The following ELAPOR1 variants were observed in gnomAD, a reference collection of about 807,000 sequenced individuals.
ELAPOR1 encodes the protein endosome/lysosome-associated apoptosis and autophagy regulator 1.
In ELAPOR1, 77 loss-of-function variants were observed where a neutral mutation model predicts 119.7. The observed-to-expected ratio is 0.64, with a 90% CI of 0.54 to 0.78. ELAPOR1 has a LOEUF of 0.78. Ranked by LOEUF, ELAPOR1 falls within the 30% of genes least tolerant of loss-of-function variation. ELAPOR1 has a pLI of 0.00. For synonymous variants in ELAPOR1, 481 were observed against 487.2 expected (o/e 0.99, Z 0.17); for missense variants, 1,115 against 1,270.4 (o/e 0.88, Z 1.86).
At chr1:109,144,061 A>ATATATATATTTTTTTTTTT in intron 1 of ELAPOR1, among the ~76,000 whole-genome samples, 31 of 88,980 alleles carry the variant, frequency 3.5e-4, no homozygotes, top group African/African-American at 3.9e-4. Flanking sequence ...ATATTTATAT[A>ATATATATATTTTTTTTTTT]TTTTTTTTTT....
At chr1:109,202,434 A>G (rs1051937818) in intron 21 of ELAPOR1, among the ~76,000 whole-genome samples, 3 of 149,812 alleles carry the variant, frequency 2.0e-5, no homozygotes, top group South Asian at 2.1e-4. Context: ...ACATTTTTTT[A>G]AAAGAAAAAA....
At chr1:109,152,870 C>A (rs1164782480) in intron 1 of ELAPOR1, among the ~76,000 whole-genome samples, 1 of 143,744 alleles carries the variant, frequency 7.0e-6, no homozygotes, top group Non-Finnish European at 1.5e-5. Context: ...GGCCTGAGTT[C>A]GGGAGTTCAA....
At chr1:109,140,529 G>A (rs1649764462) in intron 1 of ELAPOR1, among the ~76,000 whole-genome samples, 1 of 152,218 alleles carries the variant, frequency 6.6e-6, no homozygotes, top group Non-Finnish European at 1.5e-5. Flanking sequence ...GATTGGAGGG[G>A]AGAGGGGAGC....
At position 109,153,883 on chromosome 1, in the gene ELAPOR1, C is replaced by T. The variant is rs113142127; in HGVS notation, c.154-8011C>T. Among the ~76,000 whole-genome samples the T allele has an allele frequency of 8.5e-5, 13 of 152,164 alleles. 1 individual carries two copies. Among genetic ancestry groups the T allele is most frequent in the South Asian group, 6.2e-4 (3 of 4,812 alleles). ...GATTACAGGCGTGAACCACTGTGCC[C>T]GGCCCAGATTTTTATTTTCTTTTTT... On this transcript the variant is annotated intron_variant, in intron 1 of 21. Coordinates refer to ENST00000369939, the MANE Select transcript of ELAPOR1 (RefSeq NM_020775.5).
At chr1:109,129,506 C>T (rs181868677) in intron 1 of ELAPOR1, among the ~76,000 whole-genome samples, 8 of 152,142 alleles carry the variant, frequency 5.3e-5, no homozygotes, top group African/African-American at 1.2e-4. Flanking sequence ...AGTGAGACTC[C>T]GTCTCAAAAA....
intron 3 of ELAPOR1, among the ~76,000 whole-genome samples, chr1:109,166,008 C>T (rs1325733296): frequency 6.6e-6 from 1 of 151,966 alleles, no homozygotes; most frequent in Non-Finnish European, 1.5e-5. Flanking sequence ...CTCTGCCTCC[C>T]GGGTTGACGC....
intron 8 of ELAPOR1, among the ~76,000 whole-genome samples, chr1:109,186,075 GA>G (rs111462175): frequency 0.022 from 3,192 of 145,136 alleles, 103 homozygotes; most frequent in African/African-American, 0.068. Context: ...TGGTAGGAAG[GA>G]AAAAAAAAAA....
Position 109,200,100 on chromosome 1 carries a change from T to C in ELAPOR1, c.2670T>C (p.Gly890=). The part of the protein sequence containing the change: ...YVWREPKLCS[G]GISLPEQRVT... ...GGCGAGAACCCAAGCTATGCTCTGG[T>C]GGCATTTCTCTGCCTGAGCAGAGAG... Residue 890 remains glycine (G), a synonymous_variant, in exon 20 of 22, where the codon GGT becomes GGC. Coordinates refer to ENST00000369939, the MANE Select transcript of ELAPOR1 (RefSeq NM_020775.5). 6.2e-7 allele frequency: 1 copy of C among 1,614,208 alleles called. No homozygotes were observed. Among genetic ancestry groups the C allele is most frequent in the Non-Finnish European group, 8.5e-7 (1 of 1,180,036 alleles).
At chr1:109,181,577 G>A (rs1222875057) in intron 7 of ELAPOR1, among the ~76,000 whole-genome samples, 1 of 152,106 alleles carries the variant, frequency 6.6e-6, no homozygotes, top group Non-Finnish European at 1.5e-5. Flanking sequence ...GCAAATATTT[G>A]ACAAGCAGAG....
At chr1:109,122,641 A>G (rs1648517686) in intron 1 of ELAPOR1, among the ~76,000 whole-genome samples, 1 of 151,922 alleles carries the variant, frequency 6.6e-6, no homozygotes, top group Admixed American at 6.6e-5. Flanking sequence ...AGCATGGGCA[A>G]CACAGTGGGA....
chr1:109,121,305 C>A (rs531321610), intron 1 of ELAPOR1, among the ~76,000 whole-genome samples: 1 of 151,952 alleles, frequency 6.6e-6, no homozygotes, highest in Non-Finnish European at 1.5e-5. Flanking sequence ...TGCCATCACT[C>A]CCGGCTAATT....
intron 7 of ELAPOR1, among the ~76,000 whole-genome samples, chr1:109,177,166 T>C (rs1652353444): frequency 6.7e-6 from 1 of 149,586 alleles, no homozygotes; most frequent in African/African-American, 2.5e-5. Flanking sequence ...GGCTCCTCAC[T>C]TCCCAGTAGG....
At chr1:109,175,048 C>A (rs1652180946) in intron 7 of ELAPOR1, among the ~76,000 whole-genome samples, 1 of 151,980 alleles carries the variant, frequency 6.6e-6, no homozygotes, top group Non-Finnish European at 1.5e-5. Flanking sequence ...GTTGTAGAAA[C>A]ACGGTCTCAC....
chr1:109,138,570 C>CCAGCAG (rs71069652), intron 1 of ELAPOR1, among the ~76,000 whole-genome samples: 48 of 151,194 alleles, frequency 3.2e-4, no homozygotes, highest in African/African-American at 7.5e-4. Context: ...TCCCTCCCCA[C>CCAGCAG]CAGCAGCAGC....
chr1:109,125,654 G>A (rs1433085074), intron 1 of ELAPOR1, among the ~76,000 whole-genome samples: 1 of 152,100 alleles, frequency 6.6e-6, no homozygotes. Context: ...AAAGTGCTGG[G>A]ATTACAGGCG....
intron 18 of ELAPOR1, 79 bp from the exon 19 acceptor site, chr1:109,199,774 TA>T: frequency 6.5e-7 from 1 of 1,543,462 alleles, no homozygotes; most frequent in South Asian, 1.2e-5. Context: ...TCAGGCAAGC[TA>T]TGAGACAACA....
intron 21 of ELAPOR1, 74 bp downstream of exon 21, chr1:109,200,974 G>C: frequency 7.0e-7 from 1 of 1,437,454 alleles, no homozygotes; most frequent in Non-Finnish European, 9.5e-7. Flanking sequence ...ACACTGAATG[G>C]TCCTGTACCG....
chr1:109,140,402 G>T (rs1281868631), intron 1 of ELAPOR1, among the ~76,000 whole-genome samples: 2 of 152,236 alleles, frequency 1.3e-5, no homozygotes, highest in African/African-American at 2.4e-5. Context: ...AGGCCAAAGA[G>T]TGAAGGCCCT....
In ELAPOR1 at chr1:109,125,945, A is replaced by G. The variant is rs547351831; in HGVS notation, c.153+11609A>G. ...GCTGCTTCCCCTCCACCCAACCAGG[A>G]GTGAAGTGTTCCATCCTTCTCCCAC... On this transcript the variant is annotated intron_variant, in intron 1 of 21. Transcript: ENST00000369939. 1.1e-4 allele frequency among the ~76,000 whole-genome samples: 17 copies of G among 152,280 alleles called. No individual in the cohort carries two copies. The South Asian group carries it at 2.9e-3, about 26-fold the overall frequency.
Sources: allele counts gnomAD v4.1 joint callset (sites outside exome capture counted in the v4.1 genomes callset), GRCh38; gene constraint gnomAD v4.1.1; transcripts MANE v1.5; gene names NCBI Gene and HGNC (gene_info 2026-07-23, HGNC 2026-07-21).